NEDD4L: variants seen among roughly 807,000 people sequenced by gnomAD.
NEDD4L encodes the protein E3 ubiquitin-protein ligase NEDD4-like.
NEDD4L carries 54 observed loss-of-function variants against 148.9 expected under a neutral mutation model. The observed-to-expected ratio is 0.36, with a 90% CI of 0.29 to 0.45. The LOEUF (loss-of-function observed/expected upper bound fraction) is 0.45. Among genes scored for constraint, NEDD4L ranks in the 20% least tolerant of loss-of-function variants. The pLI is 1.00. For missense variants in NEDD4L, 856 were observed against 1,233.8 expected (o/e 0.69, Z 4.59); for synonymous variants, 433 against 440.7 (o/e 0.98, Z 0.22).
chr18:58,363,816 C>T (rs2045792427), intron 19 of NEDD4L, among the ~76,000 whole-genome samples: 1 of 152,200 alleles, frequency 6.6e-6, no homozygotes. Context: ...TCCCTTTCTG[C>T]TCGTTGTATT....
intron 5 of NEDD4L, among the ~76,000 whole-genome samples, chr18:58,282,057 A>T (rs1216095155): frequency 6.6e-6 from 1 of 151,094 alleles, no homozygotes; most frequent in Non-Finnish European, 1.5e-5. Flanking sequence ...ATAACTATAA[A>T]ATGTTTAATA....
At chr18:58,149,322 T>G in intron 1 of NEDD4L, 1 of 1,295,762 alleles carries the variant, frequency 7.7e-7, no homozygotes, top group Non-Finnish European at 1.0e-6. Flanking sequence ...TGTGAGCCAG[T>G]CACAGAGGAA....
At chr18:58,197,412 C>A (rs536240346) in intron 2 of NEDD4L, among the ~76,000 whole-genome samples, 1 of 152,132 alleles carries the variant, frequency 6.6e-6, no homozygotes, top group East Asian at 1.9e-4. Flanking sequence ...GGAAACGGGG[C>A]CCCCTCCTGA....
chr18:58,273,287 A>T (rs2051347562), intron 5 of NEDD4L, among the ~76,000 whole-genome samples: 1 of 152,250 alleles, frequency 6.6e-6, no homozygotes, highest in African/African-American at 2.4e-5. Flanking sequence ...AAATGAGCTC[A>T]GCTGCTCTGA....
chr18:58,342,679 C>T (rs2042586628), intron 15 of NEDD4L, among the ~76,000 whole-genome samples: 1 of 152,200 alleles, frequency 6.6e-6, no homozygotes, highest in African/African-American at 2.4e-5. Flanking sequence ...TACTGAGTAG[C>T]TACCAAAGGA....
intron 2 of NEDD4L, among the ~76,000 whole-genome samples, chr18:58,232,424 T>C (rs1252918068): frequency 6.6e-6 from 1 of 152,184 alleles, no homozygotes; most frequent in Non-Finnish European, 1.5e-5. Context: ...TTTAGAGGTG[T>C]AGTAATGGAT....
intron 5 of NEDD4L, among the ~76,000 whole-genome samples, chr18:58,265,553 T>C (rs767087239): frequency 6.6e-6 from 1 of 152,010 alleles, no homozygotes; most frequent in Non-Finnish European, 1.5e-5. Context: ...ACAGAGAGGA[T>C]GAAGCTTTCT....
At chr18:58,374,112 C>T (rs534534899) in intron 24 of NEDD4L, among the ~76,000 whole-genome samples, 21 of 152,284 alleles carry the variant, frequency 1.4e-4, no homozygotes, top group Non-Finnish European at 1.9e-4. Flanking sequence ...ATGAAATAGA[C>T]GTGTTCTTTA....
intron 2 of NEDD4L, among the ~76,000 whole-genome samples, chr18:58,181,530 C>G (rs556192474): frequency 3.3e-5 from 5 of 152,214 alleles, no homozygotes; most frequent in Admixed American, 2.6e-4. Context: ...CTCTTGGGCT[C>G]AGGCAACCTT....
intron 20 of NEDD4L, 81 bp downstream of exon 20, chr18:58,364,414 T>A: frequency 1.2e-6 from 1 of 822,548 alleles, no homozygotes; most frequent in Non-Finnish European, 1.9e-6. Flanking sequence ...AACAACTTGG[T>A]TGTTACTTTT....
chr18:58,255,248 G>T (rs539751526), intron 5 of NEDD4L, among the ~76,000 whole-genome samples: 24 of 152,016 alleles, frequency 1.6e-4, no homozygotes, highest in African/African-American at 5.8e-4. Context: ...AGAGCGCCCT[G>T]CTGGGGCCAC....
At chr18:58,352,786 C>T (rs140357348) in intron 18 of NEDD4L, among the ~76,000 whole-genome samples, 9 of 152,306 alleles carry the variant, frequency 5.9e-5, no homozygotes, top group East Asian at 5.8e-4. Context: ...TGGTCTGTGA[C>T]GCATGGAGAG....
intron 1 of NEDD4L, among the ~76,000 whole-genome samples, chr18:58,083,876 A>G (rs923998896): frequency 6.6e-6 from 1 of 152,164 alleles, no homozygotes; most frequent in African/African-American, 2.4e-5. Flanking sequence ...TACTACAGGC[A>G]TGTTCCACCA....
intron 1 of NEDD4L, among the ~76,000 whole-genome samples, chr18:58,080,097 A>G (rs1049856431): frequency 1.3e-5 from 2 of 151,950 alleles, no homozygotes; most frequent in African/African-American, 4.8e-5. Context: ...GCTAAGTTTT[A>G]AATTTTTTGT....
intron 5 of NEDD4L, among the ~76,000 whole-genome samples, chr18:58,282,171 G>C (rs562204295): frequency 6.6e-6 from 1 of 151,342 alleles, no homozygotes; most frequent in Non-Finnish European, 1.5e-5. Flanking sequence ...AAATATCCGC[G>C]TGAGTGGTGC....
chr18:58,130,392 G>A (rs28465303), intron 1 of NEDD4L, among the ~76,000 whole-genome samples: 5,515 of 142,936 alleles, frequency 0.039, 84 homozygotes, highest in Middle Eastern at 0.082. Context: ...GTTGGGCTCT[G>A]TTGGGGTTTG....
intron 2 of NEDD4L, among the ~76,000 whole-genome samples, chr18:58,169,229 G>C (rs1416333976): frequency 1.3e-5 from 2 of 151,782 alleles, no homozygotes; most frequent in Non-Finnish European, 2.9e-5. Flanking sequence ...CTTTATTAAA[G>C]GAGCTTTGTT....
chr18:58,193,603 G>A (rs970446844), intron 2 of NEDD4L, among the ~76,000 whole-genome samples: 5 of 152,130 alleles, frequency 3.3e-5, no homozygotes, highest in African/African-American at 1.2e-4. Context: ...CGGCCTTCAC[G>A]TCATCTGGTA....
chr18:58,262,675 G>A (rs112935175), intron 5 of NEDD4L, among the ~76,000 whole-genome samples: 450 of 151,912 alleles, frequency 3.0e-3, no homozygotes, highest in African/African-American at 0.01. Context: ...CTCTCAGTGA[G>A]CATGTTGAAT....
Sources: gnomAD v4.1 joint callset for allele counts (sites outside exome capture counted in the v4.1 genomes callset) on GRCh38, gnomAD v4.1.1 for gene constraint, MANE v1.5 for transcripts, NCBI Gene and HGNC (gene_info 2026-07-23, HGNC 2026-07-21) for gene names.